Variants in BACH2 observed in about 807,000 individuals in gnomAD.
The protein encoded by BACH2 is BACH transcriptional regulator 2, also known as transcription regulator protein BACH2.
In BACH2, 5 loss-of-function variants were observed where a neutral mutation model predicts 61.8. The ratio of observed to expected loss-of-function variants is 0.08; its 90% confidence interval spans 0.04 to 0.17. The LOEUF (loss-of-function observed/expected upper bound fraction) is 0.17, where lower values mean the gene tolerates loss of function less well. Among genes scored for constraint, BACH2 ranks in the 10% least tolerant of loss-of-function variants. The pLI is 1.00. For synonymous variants in BACH2, 446 were observed against 440.1 expected (o/e 1.01, Z -0.17); for missense variants, 824 against 1,091.1 (o/e 0.76, Z 3.45).
At chr6:90,035,104 A>G (rs1779198496) in intron 5 of BACH2, among the ~76,000 whole-genome samples, 1 of 152,196 alleles carries the variant, frequency 6.6e-6, no homozygotes, top group Non-Finnish European at 1.5e-5. Context: ...AGGGACACAC[A>G]TAATGTAAAT....
chr6:90,242,038 T>A (rs945486253), intron 3 of BACH2, among the ~76,000 whole-genome samples: 2 of 152,122 alleles, frequency 1.3e-5, no homozygotes, highest in African/African-American at 4.8e-5. Flanking sequence ...TTATTAACCA[T>A]CTTGCACAAG....
At chr6:90,142,047 C>CTTCA (rs1784478462) in intron 4 of BACH2, among the ~76,000 whole-genome samples, 2 of 152,178 alleles carry the variant, frequency 1.3e-5, no homozygotes, top group South Asian at 4.1e-4. Flanking sequence ...CACCACTGCA[C>CTTCA]TTCATCCTGG....
intron 4 of BACH2, among the ~76,000 whole-genome samples, chr6:90,161,616 C>T (rs1785195314): frequency 6.6e-6 from 1 of 152,166 alleles, no homozygotes; most frequent in Admixed American, 6.5e-5. Flanking sequence ...GAAAGTCATT[C>T]AAGGTCTCAC....
intron 3 of BACH2, among the ~76,000 whole-genome samples, chr6:90,224,799 G>A (rs553559858): frequency 3.0e-4 from 46 of 152,268 alleles, no homozygotes; most frequent in African/African-American, 1.0e-3. Context: ...CAACAATTTG[G>A]TGCACCTGCT....
At chr6:90,077,542 A>G (rs1234891552) in intron 5 of BACH2, among the ~76,000 whole-genome samples, 1 of 152,184 alleles carries the variant, frequency 6.6e-6, no homozygotes, top group Non-Finnish European at 1.5e-5. Flanking sequence ...TCCTAACACA[A>G]AAACCAAAAA....
chr6:90,095,161 G>A (rs1782329642), intron 4 of BACH2, among the ~76,000 whole-genome samples: 1 of 151,966 alleles, frequency 6.6e-6, no homozygotes, highest in South Asian at 2.1e-4. Flanking sequence ...TTTTATGGCT[G>A]AAGGGGTTCA....
chr6:90,226,422 G>C (rs557446622), intron 3 of BACH2, among the ~76,000 whole-genome samples: 50 of 152,248 alleles, frequency 3.3e-4, no homozygotes, highest in African/African-American at 1.2e-3. Context: ...CCAATTTGTA[G>C]TGTTTGATTT....
At chr6:90,218,726 G>A (rs796920192) in intron 3 of BACH2, among the ~76,000 whole-genome samples, 2 of 151,972 alleles carry the variant, frequency 1.3e-5, no homozygotes, top group African/African-American at 2.4e-5. Context: ...AAAAGGAAAC[G>A]GGCCGTGAAA....
chr6:89,941,948 A>G (rs1283795925), intron 7 of BACH2, among the ~76,000 whole-genome samples: 1 of 152,180 alleles, frequency 6.6e-6, no homozygotes, highest in South Asian at 2.1e-4. Flanking sequence ...AAAATCACCA[A>G]TGCTAGTTTC....
chr6:90,004,974 TG>T (rs1713046246), intron 6 of BACH2, among the ~76,000 whole-genome samples: 1 of 152,208 alleles, frequency 6.6e-6, no homozygotes, highest in African/African-American at 2.4e-5. Flanking sequence ...GATTGCCATT[TG>T]TTTTTTTTTA....
intron 6 of BACH2, among the ~76,000 whole-genome samples, chr6:89,997,835 T>C (rs1366416355): frequency 2.0e-5 from 3 of 152,206 alleles, no homozygotes; most frequent in Non-Finnish European, 4.4e-5. Context: ...GTGTGGCCAC[T>C]GCTCATAGAC....
chr6:89,954,032 A>AT (rs1407600507), intron 6 of BACH2, among the ~76,000 whole-genome samples: 1 of 150,276 alleles, frequency 6.7e-6, no homozygotes, highest in Non-Finnish European at 1.5e-5. Context: ...AAGCAAGGAA[A>AT]TGTGTATTTA....
chr6:90,241,381 T>G lies in BACH2; in HGVS notation c.-275+11132A>C, dbSNP rs183743616. On this transcript the variant is annotated intron_variant, in intron 3 of 8. Coordinates refer to ENST00000257749, the MANE Select transcript of BACH2 (RefSeq NM_021813.4). The stretch of plus-strand genomic sequence containing the variant: ...CCTCCAAATGGCTCCCCCTCCCACC[T>G]ACTCAACAGGGGGCAGGCTGGGACA... 1.9e-3 allele frequency among the ~76,000 whole-genome samples: 291 copies of G among 152,226 alleles called. 1 individual carries two copies. The Middle Eastern group carries it at 0.02, about 11-fold the overall frequency.
At chr6:90,176,069 C>CACG (rs1767973993) in intron 4 of BACH2, among the ~76,000 whole-genome samples, 1 of 152,232 alleles carries the variant, frequency 6.6e-6, no homozygotes, top group Non-Finnish European at 1.5e-5. Flanking sequence ...TCCTGACTAA[C>CACG]ACGGGTGTTT....
At chr6:90,052,544 C>T (rs912997905) in intron 5 of BACH2, among the ~76,000 whole-genome samples, 4 of 152,114 alleles carry the variant, frequency 2.6e-5, no homozygotes, top group African/African-American at 2.4e-5. Flanking sequence ...CTCAGCCTCC[C>T]GAGCAGTTGG....
chr6:90,033,167 T>C (rs965076026), intron 5 of BACH2, among the ~76,000 whole-genome samples: 1 of 150,662 alleles, frequency 6.6e-6, no homozygotes, highest in South Asian at 2.1e-4. Context: ...TGAGAACATA[T>C]GGACACAGGA....
rs372458393 is a variant in BACH2 at position 89,932,980 on chromosome 6, C to T, written c.2044-90G>A. ...TTCAGGTTTTCCAGCCTTTGTTTTG[C>T]ATCCTCCATTATAATGTAACTCAAG... On this transcript the variant is annotated intron_variant, in intron 8 of 8. Coordinates refer to ENST00000257749, the MANE Select transcript of BACH2 (RefSeq NM_021813.4). 452 of 1,368,876 alleles carry T rather than the reference C, an allele frequency of 3.3e-4. 1 individual carries two copies. In the African/African-American group the frequency reaches 4.3e-3, roughly 13 times the overall value. The allele number at this position is 1,368,876 out of a possible 1,614,324, so 84.8% of individuals were successfully genotyped here. A position where few individuals can be genotyped will look rare whatever the true frequency, so the allele number is the denominator to read the frequency against.
chr6:90,204,563 G>A (rs907575319), intron 4 of BACH2, among the ~76,000 whole-genome samples: 16 of 152,162 alleles, frequency 1.1e-4, no homozygotes, highest in Admixed American at 2.6e-4. Context: ...CACCTACTGA[G>A]ACTTGACATT....
intron 6 of BACH2, among the ~76,000 whole-genome samples, chr6:89,981,473 C>T (rs1775955502): frequency 1.3e-5 from 2 of 152,078 alleles, no homozygotes; most frequent in African/African-American, 4.8e-5. Flanking sequence ...AAAGAGAGAA[C>T]ACATTCTCAG....
Sources: allele counts gnomAD v4.1 joint callset (sites outside exome capture counted in the v4.1 genomes callset), GRCh38; gene constraint gnomAD v4.1.1; transcripts MANE v1.5; gene names NCBI Gene and HGNC (gene_info 2026-07-23, HGNC 2026-07-21).